The following SLC35G2 variants were observed in gnomAD, a reference collection of about 807,000 sequenced individuals.
SLC35G2 encodes the protein solute carrier family 35 member G2, also known as transmembrane protein 22.
Under a neutral mutation model 27.2 loss-of-function variants are expected in SLC35G2, and 20 were observed. The ratio of observed to expected loss-of-function variants is 0.74; its 90% CI spans 0.52 to 1.07. The LOEUF is 1.07. SLC35G2 is among the 50% of genes least tolerant of loss of function. The probability of loss-of-function intolerance (pLI) is 0.00; values close to 1 mark genes in which losing one functional copy is unlikely to be tolerated. For synonymous variants in SLC35G2, 148 were observed against 165.3 expected (o/e 0.90, Z 0.80); for missense variants, 416 against 493.3 (o/e 0.84, Z 1.48).
intron 1 of SLC35G2, among the ~76,000 whole-genome samples, chr3:136,846,887 C>T (rs763668567): frequency 9.2e-5 from 14 of 152,120 alleles, no homozygotes; most frequent in Non-Finnish European, 1.9e-4. Flanking sequence ...ATAAAATTTC[C>T]GGCTGGGCAT....
At chr3:136,849,662 T>C (rs1227924402) in intron 1 of SLC35G2, among the ~76,000 whole-genome samples, 2 of 151,788 alleles carry the variant, frequency 1.3e-5, no homozygotes, top group African/African-American at 4.8e-5. Flanking sequence ...CAACTAATTT[T>C]CTGTATTTTT....
At chr3:136,845,714 G>C (rs1937341777) in intron 1 of SLC35G2, among the ~76,000 whole-genome samples, 1 of 151,570 alleles carries the variant, frequency 6.6e-6, no homozygotes, top group South Asian at 2.1e-4. Flanking sequence ...TCCTGCCTCA[G>C]CCTTCCAATT....
At chr3:136,835,229 T>G (rs939683585) in intron 1 of SLC35G2, among the ~76,000 whole-genome samples, 1 of 152,218 alleles carries the variant, frequency 6.6e-6, no homozygotes, top group African/African-American at 2.4e-5. Context: ...TTATGTCTCT[T>G]TAATCTTTAA....
At chr3:136,836,238 G>A (rs1426101115) in intron 1 of SLC35G2, among the ~76,000 whole-genome samples, 5 of 152,000 alleles carry the variant, frequency 3.3e-5, no homozygotes, top group Non-Finnish European at 7.4e-5. Flanking sequence ...ACACTACAGG[G>A]TTCATTCTAG....
chr3:136,826,755 A>C (rs1936595972), intron 1 of SLC35G2, among the ~76,000 whole-genome samples: 1 of 151,952 alleles, frequency 6.6e-6, no homozygotes, highest in South Asian at 2.1e-4. Flanking sequence ...CTCCCACCTC[A>C]GCCTCCCAGG....
chr3:136,843,943 CA>C (rs917242998), intron 1 of SLC35G2, among the ~76,000 whole-genome samples: 9 of 151,800 alleles, frequency 5.9e-5, no homozygotes, highest in Non-Finnish European at 1.3e-4. Flanking sequence ...CAAAACAAAA[CA>C]AAAAAATCAG....
chr3:136,839,113 C>CTTTTTTTTTT (rs11293827), intron 1 of SLC35G2: 1 of 147,082 alleles, frequency 6.8e-6, no homozygotes. Context: ...GGTGATTCTG[C>CTTTTTTTTTT]TTTTTTTTTT....
At chr3:136,820,519 A>G (rs1936429569) in intron 1 of SLC35G2, 1 of 152,244 alleles carries the variant, frequency 6.6e-6, no homozygotes, top group Admixed American at 6.5e-5. Flanking sequence ...GGAGGTACAG[A>G]TAAGCATATG....
chr3:136,840,486 TTCC>T (rs1576898940), intron 1 of SLC35G2, among the ~76,000 whole-genome samples: 1 of 151,918 alleles, frequency 6.6e-6, no homozygotes, highest in Non-Finnish European at 1.5e-5. Context: ...CTTTTCTTTC[TTCC>T]TCCTCCTCTT....
chr3:136,839,556 C>G (rs1356107499), intron 1 of SLC35G2, among the ~76,000 whole-genome samples: 1 of 152,146 alleles, frequency 6.6e-6, no homozygotes, highest in Admixed American at 6.5e-5. Context: ...TTGACTTTGC[C>G]TGTACAGCAA....
intron 1 of SLC35G2, among the ~76,000 whole-genome samples, chr3:136,821,422 G>A (rs1936452964): frequency 6.6e-6 from 1 of 151,962 alleles, no homozygotes; most frequent in African/African-American, 2.4e-5. Flanking sequence ...GAAAGAATAT[G>A]TAACATGAGA....
At chr3:136,826,965 CT>C (rs112975271) in intron 1 of SLC35G2, among the ~76,000 whole-genome samples, 96,469 of 142,704 alleles carry the variant, frequency 0.68, 32,420 homozygotes, top group East Asian at 0.86. Context: ...GATCTTCTCT[CT>C]TTTTTCTTTT....
intron 1 of SLC35G2, among the ~76,000 whole-genome samples, chr3:136,836,133 C>T (rs1430745128): frequency 6.6e-6 from 1 of 152,048 alleles, no homozygotes; most frequent in Non-Finnish European, 1.5e-5. Context: ...CACACACACA[C>T]ACCCACACAC....
intron 1 of SLC35G2, among the ~76,000 whole-genome samples, chr3:136,833,723 C>G (rs963737224): frequency 8.5e-5 from 13 of 152,130 alleles, no homozygotes; most frequent in African/African-American, 2.9e-4. Flanking sequence ...TGCTCGCTTG[C>G]TCTCCACTCA....
intron 1 of SLC35G2, among the ~76,000 whole-genome samples, chr3:136,846,237 TC>T (rs1937371969): frequency 6.6e-6 from 1 of 152,284 alleles, no homozygotes; most frequent in South Asian, 2.1e-4. Context: ...GTATTACTTT[TC>T]TCAGCCATAG....
chr3:136,832,170 G>C (rs12497379), intron 1 of SLC35G2, among the ~76,000 whole-genome samples: 104,147 of 151,908 alleles, frequency 0.69, 35,939 homozygotes, highest in East Asian at 0.87. Flanking sequence ...CCCGCCACCA[G>C]GCCTGGCTAA....
chr3:136,841,877 CCA>C (rs1159719062), intron 1 of SLC35G2: 1 of 152,060 alleles, frequency 6.6e-6, no homozygotes, highest in Admixed American at 6.6e-5. Context: ...TGGAAAAACC[CCA>C]GTTTATATTC....
At chr3:136,843,398 C>A (rs1026576833) in intron 1 of SLC35G2, 4 of 148,766 alleles carry the variant, frequency 2.7e-5, no homozygotes, top group African/African-American at 9.9e-5. Context: ...AATCCCAGCA[C>A]TTAGGGAGGC....
intron 1 of SLC35G2, among the ~76,000 whole-genome samples, chr3:136,821,489 C>G (rs898562380): frequency 6.6e-6 from 1 of 152,098 alleles, no homozygotes; most frequent in Non-Finnish European, 1.5e-5. Context: ...GCTTGTTGCC[C>G]AGACTGGAGT....
Sources: allele counts gnomAD v4.1 joint callset (sites outside exome capture counted in the v4.1 genomes callset), GRCh38; gene constraint gnomAD v4.1.1; transcripts MANE v1.5; gene names NCBI Gene and HGNC (gene_info 2026-07-23, HGNC 2026-07-21).